The following CEP162 variants were observed in gnomAD, a reference collection of about 807,000 sequenced individuals.
CEP162 encodes centrosomal protein of 162 kDa.
Under a neutral mutation model 169.2 loss-of-function variants are expected in CEP162, and 141 were observed. The observed-to-expected ratio is 0.83, with a 90% CI of 0.73 to 0.96. The LOEUF is 0.96. Ranked by LOEUF, CEP162 falls within the 40% of genes least tolerant of loss-of-function variation. The probability of loss-of-function intolerance (pLI) is 0.00; values close to 1 mark genes in which losing one functional copy is unlikely to be tolerated. For missense variants in CEP162, 1,600 were observed against 1,587.2 expected, an observed-to-expected ratio of 1.01 and a Z score of -0.14; for synonymous variants, 540 against 526.4, an observed-to-expected ratio of 1.03 and a Z score of -0.35.
At position 84,174,154 on chromosome 6, in the gene CEP162, C is replaced by T. The variant is rs745660100; in HGVS notation, c.2060G>A (p.Arg687Lys). 17 of 1,608,180 alleles carry T rather than the reference C, an allele frequency of 1.1e-5. No homozygotes were observed. The highest frequency in any genetic ancestry group is 1.4e-5 in the Non-Finnish European group (17 of 1,176,782). ...AGCTGCTTCTCCAAAATGTAACCACCTTTGTTTTTTGTTTGTTTCTTCAAA... is the reference window on the plus strand; with the variant it reads ...AGCTGCTTCTCCAAAATGTAACCACTTTTGTTTTTTGTTTGTTTCTTCAAA... ...SSFEETNKKQ[R>K]WLHFGEAADP... is the part of the protein sequence containing the mutation. Residue 687 changes from arginine (R) to lysine (K), a missense_variant, in exon 16 of 27, where the codon AGG (arginine) becomes AAG (lysine). Coordinates refer to ENST00000403245, the MANE Select transcript of CEP162 (RefSeq NM_014895.4).
chr6:84,129,694 T>C (rs2099510463), intron 25 of CEP162, among the ~76,000 whole-genome samples: 1 of 152,192 alleles, frequency 6.6e-6, no homozygotes, highest in African/African-American at 2.4e-5. Context: ...TTTGTCAATT[T>C]TGGCTTTTGT....
rs7742665 is a variant in CEP162, at chr6:84,200,929, A to G, written c.719-24T>C. ...AACTGGAAGAATATAAAAGAAAAATATAAGGAATGTAGATAAACTCAGTGG... is the reference window on the plus strand; with the variant it reads ...AACTGGAAGAATATAAAAGAAAAATGTAAGGAATGTAGATAAACTCAGTGG... On this transcript the variant is annotated intron_variant, in intron 8 of 26. Transcript: ENST00000403245. The G allele has an allele frequency of 5.5e-3, 7,347 of 1,346,136 alleles. 313 individuals are homozygous for G. In the African/African-American group the frequency reaches 0.093, roughly 17 times the overall value. 83.4% of individuals were successfully genotyped at this position (1,346,136 alleles called of 1,614,324 possible).
Position 84,170,648 on chromosome 6 carries a change from T to C in CEP162, c.2279+958A>G, listed in dbSNP as rs547060597. 3.3e-5 allele frequency among the ~76,000 whole-genome samples: 5 copies of C among 152,264 alleles called. No homozygotes were observed. In the South Asian group the frequency reaches 1.0e-3, roughly 32 times the overall value. ...TAAATTCAGTAAACATTCATGATAC[T>C]CATGGGTCAGAAACTTCTGAGAACA... On this transcript the variant is annotated intron_variant, in intron 17 of 26. Coordinates refer to ENST00000403245, the MANE Select transcript of CEP162 (RefSeq NM_014895.4).
chr6:84,208,161 T>C (rs2099548040), intron 6 of CEP162, among the ~76,000 whole-genome samples: 1 of 152,086 alleles, frequency 6.6e-6, no homozygotes, highest in Admixed American at 6.6e-5. Context: ...GTGCTTCTTA[T>C]CTGAAGCCTC....
At chr6:84,139,236 A>C (rs1037813997) in intron 25 of CEP162, among the ~76,000 whole-genome samples, 1 of 152,206 alleles carries the variant, frequency 6.6e-6, no homozygotes, top group Middle Eastern at 3.2e-3. Context: ...GCAGTACTCC[A>C]TGAGTTTCCT....
chr6:84,171,441 C>T (rs2099530080), intron 17 of CEP162, among the ~76,000 whole-genome samples, 165 bp downstream of exon 17: 1 of 151,526 alleles, frequency 6.6e-6, no homozygotes, highest in Admixed American at 6.6e-5. Context: ...CCATCTAACA[C>T]CAAAAGAAAA....
chr6:84,149,839 T>C (rs1391341541), intron 23 of CEP162, 136 bp from the exon 24 acceptor site: 3 of 586,816 alleles, frequency 5.1e-6, no homozygotes, highest in Non-Finnish European at 8.3e-6. Context: ...TGCACTGTGT[T>C]AGGTGCTTTA....
In CEP162 at chr6:84,215,466, C is replaced by G; in HGVS notation, c.320-1G>C. The G allele has an allele frequency of 6.4e-7, 1 of 1,559,200 alleles. No homozygotes were observed. Among genetic ancestry groups the G allele is most frequent in the South Asian group, 1.3e-5 (1 of 79,176 alleles). ...TGGTTGAGCTCAGAAACTACTAGTT[C>G]TAAATGGAAAGCACAAATATATTTT... is the stretch of plus-strand genomic sequence containing the variant. On this transcript the variant is annotated splice_acceptor_variant, in intron 4 of 26. Transcript: ENST00000403245. LOFTEE classifies it high-confidence loss of function.
At position 84,135,763 on chromosome 6, in the gene CEP162, T is replaced by G. The variant is rs558265172; in HGVS notation, c.3871-9251A>C. Among the ~76,000 whole-genome samples, 952 of 152,240 alleles carry G rather than the reference T, an allele frequency of 6.3e-3. 4 individuals carry two copies. The highest frequency in any genetic ancestry group is 0.022 in the African/African-American group (916 of 41,532). On this transcript the variant is annotated intron_variant, in intron 25 of 26. Coordinates refer to ENST00000403245, the MANE Select transcript of CEP162 (RefSeq NM_014895.4). ...CTGTAATCCCAGCTACTCAGGAAGC[T>G]GAGACATAAGAATCACTTGAATGAG...
chr6:84,158,746 G>A (rs964181257), intron 21 of CEP162, among the ~76,000 whole-genome samples: 2 of 151,866 alleles, frequency 1.3e-5, no homozygotes, highest in Non-Finnish European at 2.9e-5. Context: ...TTTTATAAAT[G>A]TAACATTTTA....
At chr6:84,221,020 G>T in intron 3 of CEP162, 37 bp downstream of exon 3, 1 of 1,133,434 alleles carries the variant, frequency 8.8e-7, no homozygotes, top group Non-Finnish European at 1.3e-6. Context: ...ACCCCTTGTG[G>T]TCAAATAATT....
At chr6:84,203,900 T>C in intron 7 of CEP162, 81 bp downstream of exon 7, 2 of 630,172 alleles carry the variant, frequency 3.2e-6, no homozygotes, top group Non-Finnish European at 5.3e-6. Flanking sequence ...AACTCCATTT[T>C]TTGAGCTCTT....
chr6:84,206,985 G>T (rs549724098), intron 6 of CEP162, among the ~76,000 whole-genome samples: 1 of 152,270 alleles, frequency 6.6e-6, no homozygotes, highest in Non-Finnish European at 1.5e-5. Context: ...CATCATCACT[G>T]GTCATCAGAG....
Position 84,152,669 on chromosome 6 carries a change from C to T in CEP162, c.3505G>A (p.Val1169Ile), listed in dbSNP as rs781184016. The change falls in exon 23 of 27, where the codon GTT becomes ATT. Residue 1169 changes from valine (V) to isoleucine (I), a missense_variant. Coordinates refer to ENST00000403245, the MANE Select transcript of CEP162 (RefSeq NM_014895.4). ...YQPHTFTDSHVSEVLQENYRL... is the reference protein window; with the variant it reads ...YQPHTFTDSHISEVLQENYRL... ...TAGTTTTCTTGTAAAACTTCTGAAACATGGGAATCAGTGAAAGTATGTGGT... is the reference window on the plus strand; with the variant it reads ...TAGTTTTCTTGTAAAACTTCTGAAATATGGGAATCAGTGAAAGTATGTGGT... The T allele has an allele frequency of 6.2e-7, 1 of 1,611,532 alleles. No homozygotes were observed. The highest frequency in any genetic ancestry group is 1.1e-5 in the South Asian group (1 of 90,616).
At chr6:84,153,440 TACAC>T (rs1390020941) in intron 22 of CEP162, among the ~76,000 whole-genome samples, 3 of 152,322 alleles carry the variant, frequency 2.0e-5, no homozygotes, top group Non-Finnish European at 4.4e-5. Context: ...CATATGTTCT[TACAC>T]ACTCCAAAAT....
intron 11 of CEP162, among the ~76,000 whole-genome samples, chr6:84,192,933 G>A (rs1435878740): frequency 2.0e-5 from 3 of 152,232 alleles, no homozygotes; most frequent in Non-Finnish European, 2.9e-5. Context: ...CAAAGTAAAT[G>A]TGAAAAATGT....
chr6:84,153,468 C>T (rs1467839378), intron 22 of CEP162, among the ~76,000 whole-genome samples: 1 of 152,140 alleles, frequency 6.6e-6, no homozygotes, highest in East Asian at 1.9e-4. Flanking sequence ...TTTTAAATCT[C>T]ACAATAAAAC....
intron 25 of CEP162, among the ~76,000 whole-genome samples, chr6:84,131,222 G>A (rs561055577): frequency 2.6e-5 from 4 of 151,246 alleles, no homozygotes; most frequent in Non-Finnish European, 5.9e-5. Context: ...CTGAGAGACT[G>A]TTTGTTATGA....
At chr6:84,125,393 A>G (rs1469673077) in intron 26 of CEP162, 117 bp from the exon 27 acceptor site, 5 of 795,744 alleles carry the variant, frequency 6.3e-6, no homozygotes, top group Non-Finnish European at 2.1e-6. Context: ...GTAAATCATA[A>G]TGCTCTGCGT....
Sources: allele counts gnomAD v4.1 joint callset (sites outside exome capture counted in the v4.1 genomes callset), GRCh38; gene constraint gnomAD v4.1.1; transcripts MANE v1.5; gene names NCBI Gene and HGNC (gene_info 2026-07-23, HGNC 2026-07-21).